Variants in RADIL observed in about 807,000 individuals in gnomAD.
RADIL encodes the protein Rap associating with DIL domain.
In RADIL, 99 loss-of-function variants were observed where a neutral mutation model predicts 97.6. The ratio of observed to expected loss-of-function variants is 1.01; its 90% CI spans 0.86 to 1.20. The LOEUF (loss-of-function observed/expected upper bound fraction) is 1.20. Ranked by LOEUF, RADIL falls within the 50% of genes most tolerant of loss-of-function variation. RADIL has a pLI of 0.00. For synonymous variants in RADIL, 803 were observed against 691.8 expected, an observed-to-expected ratio of 1.16 and a Z score of -2.52; for missense variants, 1,765 against 1,498.9, an observed-to-expected ratio of 1.18 and a Z score of -2.93.
chr7:4,809,563 G>C (rs993047350), intron 9 of RADIL: 37 of 985,330 alleles, frequency 3.8e-5, no homozygotes, highest in Non-Finnish European at 4.2e-5. Context: ...CAGGCACCAC[G>C]GCAGGTCCCG....
In RADIL at chr7:4,805,622, C is replaced by T. The variant is rs1782280954; in HGVS notation, c.2234G>A (p.Gly745Asp). 1 of 1,611,586 alleles carries T rather than the reference C, an allele frequency of 6.2e-7. No individual in the cohort carries two copies. The highest frequency in any genetic ancestry group is 1.3e-5 in the African/African-American group (1 of 74,952). The change falls in exon 10 of 15, where the codon GGC (glycine) becomes GAC (aspartate). Residue 745 changes from glycine (G) to aspartate (D), a missense_variant. Transcript: ENST00000399583. ...LTHYQLASAM[G>D]PMSTWEPGAQ... is the part of the protein sequence containing the mutation. ...CCCTGGCTCCCAGGTGCTCATGGGG[C>T]CCATGGCCGAGGCCAGCTGGTAGTG...
In RADIL at chr7:4,818,634, G is replaced by A. The variant is rs1027720603; in HGVS notation, c.1616-1283C>T. On this transcript the variant is annotated intron_variant, in intron 6 of 14. Coordinates refer to ENST00000399583, the MANE Select transcript of RADIL (RefSeq NM_018059.5). The surrounding 1 kb of genome is among the most constrained non-coding windows in gnomAD (Gnocchi z 7.1). ...GTGGAGACACACAAGGTGGCCCGAC[G>A]GCGCCCACAGCGAGTGCCGGCAAAG... is the stretch of plus-strand genomic sequence containing the variant. Among the ~76,000 whole-genome samples the A allele has an allele frequency of 3.9e-5, 6 of 152,174 alleles. No individual in the cohort carries two copies. Among genetic ancestry groups the A allele is most frequent in the African/African-American group, 1.2e-4 (5 of 41,438 alleles).
intron 2 of RADIL, among the ~76,000 whole-genome samples, chr7:4,865,200 AC>A (rs1191917113): frequency 4.6e-5 from 7 of 151,896 alleles, no homozygotes; most frequent in Non-Finnish European, 1.0e-4. Flanking sequence ...AATTTCCCTC[AC>A]CCCCCATTCC....
rs1562432542 is a variant in RADIL, at chr7:4,813,074, T to TCTCTCTCTC, written c.2139+2203_2139+2204insGAGAGAGAG. Among the ~76,000 whole-genome samples the TCTCTCTCTC allele has an allele frequency of 0.017, 2,524 of 147,732 alleles. 38 individuals are homozygous for TCTCTCTCTC. The highest frequency in any genetic ancestry group is 0.039 in the African/African-American group (1,540 of 39,834). On this transcript the variant is annotated intron_variant, in intron 9 of 14. Coordinates refer to ENST00000399583, the MANE Select transcript of RADIL (RefSeq NM_018059.5). The surrounding 1 kb of genome is among the most constrained non-coding windows in gnomAD (Gnocchi z 5.0). ...TTCATCCTTACCCCAAGGTTCTTCT[T>TCTCTCTCTC]TCTCTCTCTCTCTCTCTCTCTCTCT...
At chr7:4,845,857 G>C (rs948913910) in intron 2 of RADIL, among the ~76,000 whole-genome samples, 1 of 152,204 alleles carries the variant, frequency 6.6e-6, no homozygotes, top group African/African-American at 2.4e-5. Context: ...GATGGAGACA[G>C]AGCTCTCCGG....
intron 5 of RADIL, among the ~76,000 whole-genome samples, chr7:4,829,987 T>C (rs924513793): frequency 1.3e-5 from 2 of 152,022 alleles, no homozygotes; most frequent in African/African-American, 4.8e-5. Flanking sequence ...CTTAAGGGGG[T>C]GCTGCCAGCC....
At chr7:4,876,162 T>C (rs554722990) in intron 2 of RADIL, among the ~76,000 whole-genome samples, 3 of 151,124 alleles carry the variant, frequency 2.0e-5, no homozygotes, top group African/African-American at 7.4e-5. Flanking sequence ...CTAATTTTTT[T>C]ATTTTTTGTA....
intron 2 of RADIL, among the ~76,000 whole-genome samples, chr7:4,866,898 C>T (rs1784143236): frequency 6.6e-6 from 1 of 152,180 alleles, no homozygotes; most frequent in African/African-American, 2.4e-5. Context: ...TAAATGAGTT[C>T]TCGTTCTGGC....
In RADIL at chr7:4,846,703, G is replaced by A. The variant is rs181717724; in HGVS notation, c.536-10098C>T. 3.0e-3 allele frequency among the ~76,000 whole-genome samples: 462 copies of A among 151,870 alleles called. 1 individual carries two copies. The highest frequency in any genetic ancestry group is 0.011 in the African/African-American group (436 of 41,476). On this transcript the variant is annotated intron_variant, in intron 2 of 14. Transcript: ENST00000399583. ...TGGGATTACAGGTGTGTGCCACCAT[G>A]CCTGGCTAATTTTCGTATTTTTAGT...
chr7:4,816,968 G>A (rs536562123), intron 7 of RADIL, among the ~76,000 whole-genome samples: 36 of 152,242 alleles, frequency 2.4e-4, no homozygotes, highest in African/African-American at 4.8e-4. Flanking sequence ...CCTGACCCTC[G>A]AAATACTGGC....
At chr7:4,875,193 AACAACAACAACAAC>A (rs1784346305) in intron 2 of RADIL, among the ~76,000 whole-genome samples, 2 of 13,552 alleles carry the variant, frequency 1.5e-4, no homozygotes, top group South Asian at 6.9e-3. Context: ...CTCCATCTCC[AACAACAACAACAAC>A]AACAACAACA....
In RADIL at chr7:4,863,780, G is replaced by A. The variant is rs114297234; in HGVS notation, c.535+13825C>T. Among the ~76,000 whole-genome samples the A allele has an allele frequency of 3.1e-3, 470 of 152,218 alleles. 1 individual carries two copies. Among genetic ancestry groups the A allele is most frequent in the African/African-American group, 0.011 (443 of 41,522 alleles). ...CCTTTGAGGATTCCAATTGTATTTG[G>A]AGGGGTCTCAATTCTAACTCCCTAC... On this transcript the variant is annotated intron_variant, in intron 2 of 14. Transcript: ENST00000399583.
At chr7:4,838,607 A>G (rs934605241) in intron 2 of RADIL, among the ~76,000 whole-genome samples, 3 of 152,084 alleles carry the variant, frequency 2.0e-5, no homozygotes, top group African/African-American at 7.2e-5. Flanking sequence ...TGCAGGTCGG[A>G]ACCAATGCTG....
intron 5 of RADIL, among the ~76,000 whole-genome samples, chr7:4,830,590 G>A (rs1221761627): frequency 1.3e-5 from 2 of 152,124 alleles, no homozygotes; most frequent in African/African-American, 2.4e-5. Context: ...AAAAAAGCAC[G>A]ACATCAGCCA....
intron 2 of RADIL, among the ~76,000 whole-genome samples, chr7:4,874,728 G>A (rs543404433): frequency 6.6e-6 from 1 of 152,136 alleles, no homozygotes; most frequent in Non-Finnish European, 1.5e-5. Flanking sequence ...GCTTTCGCTC[G>A]CCCTGAATAA....
chr7:4,809,138 G>T, intron 9 of RADIL: 1 of 985,112 alleles, frequency 1.0e-6, no homozygotes, highest in South Asian at 4.7e-5. Flanking sequence ...TGGCCTCAGC[G>T]TGGGGTGGCC....
chr7:4,820,749 T>C (rs11974854), intron 6 of RADIL, among the ~76,000 whole-genome samples: 47,539 of 151,944 alleles, frequency 0.31, 10,128 homozygotes, highest in African/African-American at 0.61. Context: ...GCCCGGCCTG[T>C]TCCACGCGCC....
intron 10 of RADIL, 87 bp from the exon 11 acceptor site, chr7:4,803,841 G>A (rs760980686): frequency 2.0e-5 from 25 of 1,250,930 alleles, no homozygotes; most frequent in Non-Finnish European, 5.7e-6. Context: ...TGGGAACCCA[G>A]GGGCCAGCAG....
intron 2 of RADIL, among the ~76,000 whole-genome samples, chr7:4,845,179 G>C (rs1783538295): frequency 6.6e-6 from 1 of 152,192 alleles, no homozygotes; most frequent in African/African-American, 2.4e-5. Flanking sequence ...CAGCACTTTG[G>C]GAGGCTGAGG....
Sources: gnomAD v4.1 joint callset for allele counts (sites outside exome capture counted in the v4.1 genomes callset) on GRCh38, gnomAD v4.1.1 for gene constraint, Gnocchi (gnomAD v3.1) non-coding constraint, MANE v1.5 for transcripts, NCBI Gene and HGNC (gene_info 2026-07-23, HGNC 2026-07-21) for gene names.